The following C2orf66 variants were observed in gnomAD, a reference collection of about 807,000 sequenced individuals.
The protein encoded by C2orf66 is uncharacterized protein C2orf66.
C2orf66 carries 6 observed loss-of-function variants against 7.0 expected under a neutral mutation model. The observed-to-expected ratio is 0.86, with a 90% CI of 0.47 to 1.69. The LOEUF is 1.69. Among genes scored for constraint, C2orf66 ranks in the 40% most tolerant of loss-of-function variants. The pLI is 0.01. For missense variants in C2orf66, 107 were observed against 112.0 expected (o/e 0.96, Z 0.20); for synonymous variants, 38 against 43.8 (o/e 0.87, Z 0.52).
rs777650884 is a variant in C2orf66, at chr2:196,809,231, G to A, written c.106C>T (p.Pro36Ser). 12 of 1,613,824 alleles carry A rather than the reference G, an allele frequency of 7.4e-6. No homozygotes were observed. In the East Asian group the frequency reaches 1.1e-4, roughly 15 times the overall value. Residue 36 changes from proline (P) to serine (S), a missense_variant, in exon 1 of 3, where the codon CCC becomes TCC. Transcript: ENST00000342506. Reference protein sequence around the residue: ...NEDKWKPLNNPRNRDLFFRRL... With the variant: ...NEDKWKPLNNSRNRDLFFRRL... ...GTTCTTACCAGATCTCTGTTTCTGG[G>A]GTTGTTGAGTGGCTTCCATTTGTCC...
At chr2:196,812,191 T>C (rs1699883576), upstream of C2orf66, among the ~76,000 whole-genome samples, 1 of 152,188 alleles carries the variant, frequency 6.6e-6, no homozygotes, top group Non-Finnish European at 1.5e-5. Context: ...TACCCTGGAA[T>C]TGTATTACAT....
chr2:196,810,277 A>G (rs1699862035), upstream of C2orf66: 1 of 152,238 alleles, frequency 6.6e-6, no homozygotes. Context: ...TGGAAATATG[A>G]TGATGATTAT....
the C2orf66 span, among the ~76,000 whole-genome samples, chr2:196,820,613 G>A: frequency 6.6e-6 from 1 of 152,212 alleles, no homozygotes. Flanking sequence ...GGAAGTGGAG[G>A]TTATAAGAGA....
chr2:196,831,884 C>T, the C2orf66 span: 2 of 152,326 alleles, frequency 1.3e-5, no homozygotes, highest in Admixed American at 1.3e-4. Context: ...AACTTTCTTC[C>T]CTTTTATGGG....
the C2orf66 span, among the ~76,000 whole-genome samples, chr2:196,830,659 C>T: frequency 6.6e-6 from 1 of 152,150 alleles, no homozygotes; most frequent in African/African-American, 2.4e-5. Flanking sequence ...TGCTAGATGC[C>T]TGCTGTGTGG....
the C2orf66 span, among the ~76,000 whole-genome samples, chr2:196,821,797 G>T: frequency 6.6e-6 from 1 of 151,900 alleles, no homozygotes; most frequent in Non-Finnish European, 1.5e-5. Flanking sequence ...AAAAGGAGTA[G>T]TTTTAGAGAA....
chr2:196,827,263 C>T, the C2orf66 span, among the ~76,000 whole-genome samples: 1 of 136,304 alleles, frequency 7.3e-6, no homozygotes. Context: ...AAAAAAAGGA[C>T]AAATCAGAAC....
intron 2 of C2orf66, 43 bp downstream of exon 2, chr2:196,807,381 C>A (rs904604414): frequency 3.8e-5 from 43 of 1,119,028 alleles, no homozygotes; most frequent in Non-Finnish European, 5.6e-5. Flanking sequence ...TTATGGCTGA[C>A]TTGTATGTTT....
At chr2:196,819,276 A>G in the C2orf66 span, among the ~76,000 whole-genome samples, 12 of 152,160 alleles carry the variant, frequency 7.9e-5, no homozygotes, top group South Asian at 2.5e-3. Flanking sequence ...ACCTAACCCT[A>G]AATGTGATGC....
chr2:196,814,905 G>C, the C2orf66 span, among the ~76,000 whole-genome samples: 1 of 152,038 alleles, frequency 6.6e-6, no homozygotes, highest in Admixed American at 6.6e-5. Context: ...CTTAACACTG[G>C]AGTTTCCCTG....
chr2:196,829,890 C>A, the C2orf66 span, among the ~76,000 whole-genome samples: 1 of 152,122 alleles, frequency 6.6e-6, no homozygotes, highest in South Asian at 2.1e-4. Context: ...GAGCGAGACT[C>A]CATCTCAAAA....
the C2orf66 span, among the ~76,000 whole-genome samples, chr2:196,823,160 A>G: frequency 6.6e-6 from 1 of 152,178 alleles, no homozygotes; most frequent in Non-Finnish European, 1.5e-5. Context: ...TGGGAGCTAG[A>G]AAGGGTGGCC....
chr2:196,822,385 A>G, the C2orf66 span, among the ~76,000 whole-genome samples: 1 of 152,136 alleles, frequency 6.6e-6, no homozygotes, highest in Non-Finnish European at 1.5e-5. Context: ...AAACGTTTAT[A>G]CTCCCCCTTC....
At chr2:196,817,594 C>T in the C2orf66 span, among the ~76,000 whole-genome samples, 6 of 152,184 alleles carry the variant, frequency 3.9e-5, no homozygotes, top group South Asian at 1.2e-3. Flanking sequence ...GAGCAGAGAA[C>T]CGGTCTGACC....
the C2orf66 span, among the ~76,000 whole-genome samples, chr2:196,815,038 C>T: frequency 6.6e-6 from 1 of 152,158 alleles, no homozygotes; most frequent in African/African-American, 2.4e-5. Flanking sequence ...AATCACAGCT[C>T]ACTGCAGCCT....
chr2:196,830,548 T>C, the C2orf66 span, among the ~76,000 whole-genome samples: 1 of 152,294 alleles, frequency 6.6e-6, no homozygotes, highest in Admixed American at 6.5e-5. Context: ...GTAGGAGTGG[T>C]TTCATTTGCT....
At chr2:196,808,991 A>G (rs1332864331) in intron 1 of C2orf66, among the ~76,000 whole-genome samples, 2 of 152,238 alleles carry the variant, frequency 1.3e-5, no homozygotes, top group African/African-American at 4.8e-5. Context: ...TTGTTTCTAA[A>G]TATAAATTTG....
chr2:196,816,264 ATTGAAG>A, the C2orf66 span, among the ~76,000 whole-genome samples: 3 of 152,186 alleles, frequency 2.0e-5, no homozygotes, highest in Admixed American at 6.5e-5. Flanking sequence ...TGCAGAAACC[ATTGAAG>A]TTGAATTTCC....
At chr2:196,810,962 C>T (rs186187294), upstream of C2orf66, among the ~76,000 whole-genome samples, 1 of 152,146 alleles carries the variant, frequency 6.6e-6, no homozygotes, top group Non-Finnish European at 1.5e-5. Flanking sequence ...TATGAAATAG[C>T]GAGTGCTATG....
Sources: gnomAD v4.1 joint callset for allele counts (sites outside exome capture counted in the v4.1 genomes callset) on GRCh38, gnomAD v4.1.1 for gene constraint, MANE v1.5 for transcripts, NCBI Gene and HGNC (gene_info 2026-07-23, HGNC 2026-07-21) for gene names.